The following SMC2 variants were observed in gnomAD, a reference collection of about 807,000 sequenced individuals.
SMC2 encodes structural maintenance of chromosomes protein 2.
Under a neutral mutation model 142.6 loss-of-function variants are expected in SMC2, and 41 were observed. The observed-to-expected ratio is 0.29, with a 90% CI of 0.22 to 0.37. The LOEUF (loss-of-function observed/expected upper bound fraction) is 0.37, where lower values mean the gene tolerates loss of function less well. SMC2 is among the 10% of genes least tolerant of loss of function. The pLI, the probability that SMC2 is intolerant of heterozygous loss-of-function variation, is 1.00. For missense variants in SMC2, 1,265 were observed against 1,373.7 expected (o/e 0.92, Z 1.25); for synonymous variants, 463 against 457.5 (o/e 1.01, Z -0.15).
chr9:104,110,004 T>C (rs113511894), intron 9 of SMC2, among the ~76,000 whole-genome samples: 8,618 of 152,294 alleles, frequency 0.057, 656 homozygotes, highest in African/African-American at 0.18. Context: ...AGCCACCTCC[T>C]GTTGCTATTG....
At chr9:104,137,817 G>T (rs1754732697) in intron 23 of SMC2, among the ~76,000 whole-genome samples, 1 of 143,804 alleles carries the variant, frequency 7.0e-6, no homozygotes, top group Non-Finnish European at 1.5e-5. Flanking sequence ...GAAAAGAGGA[G>T]AAATGGAAAG....
chr9:104,126,527 C>CAAAGCT lies in SMC2; in HGVS notation c.2452-113_2452-108dup, dbSNP rs957172799. 4.9e-5 allele frequency: 36 copies of CAAAGCT among 728,636 alleles called. No individual in the cohort carries two copies. The African/African-American group carries it at 6.2e-4, about 13-fold the overall frequency. The allele number at this position is 728,636 out of a possible 1,614,324, so 45.1% of individuals were successfully genotyped here. A position where few individuals can be genotyped will look rare whatever the true frequency, so the allele number is the denominator to read the frequency against. ...TGTACTTTCGGTAGCTGAGTGGTAA[C>CAAAGCT]AAAGCTGTGGGTCTTACTTGCATGA... On this transcript the variant is annotated intron_variant, in intron 18 of 24. Coordinates refer to ENST00000374793, the MANE Select transcript of SMC2 (RefSeq NM_006444.3).
intron 18 of SMC2, 73 bp from the exon 19 acceptor site, chr9:104,126,568 A>G: frequency 3.1e-6 from 3 of 978,216 alleles, no homozygotes; most frequent in Non-Finnish European, 4.4e-6. Flanking sequence ...TTATTTATTT[A>G]ATTGTTCTGT....
At chr9:104,099,953 A>G (rs1830924484) in intron 5 of SMC2, 140 bp from the exon 6 acceptor site, 8 of 637,526 alleles carry the variant, frequency 1.3e-5, no homozygotes, top group South Asian at 5.9e-5. Flanking sequence ...TGAAATTACT[A>G]TATTTAACCT....
At chr9:104,094,589 G>T in intron 1 of SMC2, 112 bp downstream of exon 1, 2 of 375,686 alleles carry the variant, frequency 5.3e-6, no homozygotes, top group Non-Finnish European at 9.4e-6. Flanking sequence ...GGGGACCAGT[G>T]GCAGAGGGAC....
chr9:104,093,967 GCACCGC>G (rs1315589406), upstream of SMC2, among the ~76,000 whole-genome samples: 1 of 152,222 alleles, frequency 6.6e-6, no homozygotes, highest in Non-Finnish European at 1.5e-5. Flanking sequence ...GCCACAGCCA[GCACCGC>G]AGACTGGAGA....
rs753775649 is a variant in SMC2, at chr9:104,123,088, C to G, written c.2133-20C>G. 6.3e-7 allele frequency: 1 copy of G among 1,587,928 alleles called. No individual in the cohort carries two copies. Among genetic ancestry groups the G allele is most frequent in the South Asian group, 1.2e-5 (1 of 86,080 alleles). On this transcript the variant is annotated intron_variant, in intron 16 of 24. Transcript: ENST00000374793. ...CCAGAAAAATGACAGTCATTTCTTACATGTTTCTGTTTTTGTAAGGTATCG... is the reference window on the plus strand; with the variant it reads ...CCAGAAAAATGACAGTCATTTCTTAGATGTTTCTGTTTTTGTAAGGTATCG...
At chr9:104,094,210 A>C, upstream of SMC2, 1 of 395,130 alleles carries the variant, frequency 2.5e-6, no homozygotes, top group Non-Finnish European at 4.5e-6. Context: ...TAATCCTTCG[A>C]GTGTAGGGGA....
chr9:104,109,040 C>T (rs1381262855), intron 9 of SMC2, among the ~76,000 whole-genome samples: 1 of 152,198 alleles, frequency 6.6e-6, no homozygotes, highest in African/African-American at 2.4e-5. Flanking sequence ...TTTTCTAGCA[C>T]ATTCTACAGC....
chr9:104,118,062 G>C, intron 14 of SMC2, 109 bp from the exon 15 acceptor site: 1 of 760,732 alleles, frequency 1.3e-6, no homozygotes, highest in Non-Finnish European at 2.1e-6. Flanking sequence ...TTAATGCTAG[G>C]TAAGTATTAT....
intron 10 of SMC2, 52 bp downstream of exon 10, chr9:104,111,866 T>G (rs1213549732): frequency 7.8e-7 from 1 of 1,287,074 alleles, no homozygotes; most frequent in Non-Finnish European, 1.1e-6. Flanking sequence ...AAGAAGTTTC[T>G]TTTCATGTTA....
intron 7 of SMC2, among the ~76,000 whole-genome samples, chr9:104,101,444 C>T (rs1564071504): frequency 6.6e-6 from 1 of 152,152 alleles, no homozygotes; most frequent in Non-Finnish European, 1.5e-5. Flanking sequence ...CATTTTGCCA[C>T]AATTGCTTTC....
intron 20 of SMC2, among the ~76,000 whole-genome samples, chr9:104,128,280 T>G (rs1182339162): frequency 6.6e-6 from 1 of 152,238 alleles, no homozygotes; most frequent in Admixed American, 6.5e-5. Context: ...ACAACATTTT[T>G]CATGGCTACA....
Position 104,139,176 on chromosome 9 carries a change from A to G in SMC2, c.3455A>G (p.Asn1152Ser). 6.3e-7 allele frequency: 1 copy of G among 1,597,490 alleles called. No individual in the cohort carries two copies. The highest frequency in any genetic ancestry group is 8.5e-7 in the Non-Finnish European group (1 of 1,175,062). The change falls in exon 25 of 25, where the codon AAT becomes AGT. Residue 1152 changes from asparagine (N) to serine (S), a missense_variant. Around this residue, in one of 4 missense-constraint regions of SMC2, gnomAD observed 192 missense variants for 261.9 expected, o/e 0.73. Coordinates refer to ENST00000374793, the MANE Select transcript of SMC2 (RefSeq NM_006444.3). Reference protein sequence around the residue: ...VVSLKEGMFNNANVLFKTKFV... With the variant: ...VVSLKEGMFNSANVLFKTKFV... ...TCACTAAAAGAAGGTATGTTCAACA[A>G]TGCAAACGTTCTTTTCAAAACCAAG...
chr9:104,138,177 G>C lies in SMC2; in HGVS notation c.3417+12G>C, dbSNP rs551232097. The C allele has an allele frequency of 6.4e-7, 1 of 1,572,032 alleles. No individual in the cohort carries two copies. The highest frequency in any genetic ancestry group is 1.2e-5 in the South Asian group (1 of 84,680). On this transcript the variant is annotated intron_variant, in intron 24 of 24. Coordinates refer to ENST00000374793, the MANE Select transcript of SMC2 (RefSeq NM_006444.3). Reference sequence around the variant, plus strand: ...TCACACATTCTCAGGTAAGAACCAGGAAAAAAAGTCTCAGTAATAGTTTAA... The same window carrying C: ...TCACACATTCTCAGGTAAGAACCAGCAAAAAAAGTCTCAGTAATAGTTTAA...
At chr9:104,094,523 C>G (rs1370316877) in intron 1 of SMC2, 46 bp downstream of exon 1, 1 of 336,004 alleles carries the variant, frequency 3.0e-6, no homozygotes, top group Non-Finnish European at 5.2e-6. Context: ...GGCCAGACTT[C>G]CTGGCGGGAG....
upstream of SMC2, chr9:104,093,102 T>G (rs1830070413): frequency 6.6e-6 from 1 of 152,200 alleles, no homozygotes; most frequent in African/African-American, 2.4e-5. Context: ...CTTCTGTGGT[T>G]CATAAACTAC....
At chr9:104,122,051 A>G (rs1243486705) in intron 16 of SMC2, among the ~76,000 whole-genome samples, 1 of 152,200 alleles carries the variant, frequency 6.6e-6, no homozygotes, top group Non-Finnish European at 1.5e-5. Context: ...TTTTACCTTC[A>G]TGAATATAAA....
chr9:104,125,454 T>G (rs1834163267), intron 18 of SMC2, among the ~76,000 whole-genome samples: 2 of 152,114 alleles, frequency 1.3e-5, no homozygotes, highest in Non-Finnish European at 2.9e-5. Flanking sequence ...CCTACACACT[T>G]TGGATAAGGG....
Sources: allele counts gnomAD v4.1 joint callset (sites outside exome capture counted in the v4.1 genomes callset), GRCh38; gene constraint gnomAD v4.1.1; regional missense constraint gnomAD v4.1.1; transcripts MANE v1.5; gene names NCBI Gene and HGNC (gene_info 2026-07-23, HGNC 2026-07-21).